ANLN: variants seen among roughly 807,000 people sequenced by gnomAD.
The protein encoded by ANLN is anillin, actin binding protein, also known as anillin.
Under a neutral mutation model 135.1 loss-of-function variants are expected in ANLN, and 59 were observed. That is an observed-to-expected ratio of 0.44 (90% CI 0.35 to 0.54). The LOEUF is 0.54. Among genes scored for constraint, ANLN ranks in the 20% least tolerant of loss-of-function variants. The pLI is 0.00. For missense variants in ANLN, 1,182 were observed against 1,340.0 expected (o/e 0.88, Z 1.84); for synonymous variants, 406 against 456.4 (o/e 0.89, Z 1.41).
In ANLN at chr7:36,396,305, C is replaced by T. The variant is rs1282156627; in HGVS notation, c.58C>T (p.Gln20Ter). ...AACCCGTGCCAGGCGAGAGAATCTTCAGAGAAAAATGGCTGAGAGGCCCAC... is the reference window on the plus strand; with the variant it reads ...AACCCGTGCCAGGCGAGAGAATCTTTAGAGAAAAATGGCTGAGAGGCCCAC... ...ERTRARRENLQRKMAERPTAA... is the reference protein window; with the variant it reads ...ERTRARRENL The change falls in exon 2 of 24, where the codon CAG (glutamine) becomes TAG (stop). Residue 20 changes from glutamine (Q) to a stop codon, truncating the protein, a stop_gained. Coordinates refer to ENST00000265748, the MANE Select transcript of ANLN (RefSeq NM_018685.5). LOFTEE classifies it high-confidence loss of function. 2 of 1,607,224 alleles carry T rather than the reference C, an allele frequency of 1.2e-6. No individual in the cohort carries two copies. Among genetic ancestry groups the T allele is most frequent in the South Asian group, 1.1e-5 (1 of 90,452 alleles).
chr7:36,452,732 A>T lies in ANLN; in HGVS notation c.*132A>T. On this transcript the variant is annotated 3_prime_UTR_variant, in exon 24 of 24. Coordinates refer to ENST00000265748, the MANE Select transcript of ANLN (RefSeq NM_018685.5). ...TTTGTGCCAATATTCACTACGTATT[A>T]TGCAGTATTTATATCTTTTGTATGT... 1 of 1,009,636 alleles carries T rather than the reference A, an allele frequency of 9.9e-7. No individual in the cohort carries two copies. The allele number at this position is 1,009,636 out of a possible 1,614,324, so 62.5% of individuals were successfully genotyped here.
chr7:36,441,684 A>G (rs1252173433), intron 21 of ANLN, among the ~76,000 whole-genome samples: 1 of 152,228 alleles, frequency 6.6e-6, no homozygotes, highest in East Asian at 1.9e-4. Flanking sequence ...TCAGCTATAG[A>G]AATGAAAAGG....
rs1055696214 is a variant in ANLN at position 36,443,700 on chromosome 7, T to C, written c.2971-55T>C. ...TTAGTGTACAGAATCAGCATTTCAT[T>C]GTTAGGACATTTTCCTCAACTTTCT... On this transcript the variant is annotated intron_variant, in intron 21 of 23. Coordinates refer to ENST00000265748, the MANE Select transcript of ANLN (RefSeq NM_018685.5). 6.0e-6 allele frequency: 7 copies of C among 1,166,756 alleles called. No homozygotes were observed. The African/African-American group carries it at 6.0e-5, about 10-fold the overall frequency. 72.3% of individuals were successfully genotyped at this position (1,166,756 alleles called of 1,614,324 possible). A position where few individuals can be genotyped will look rare whatever the true frequency, so the allele number is the denominator to read the frequency against.
chr7:36,422,182 G>A (rs1350759480), intron 13 of ANLN, among the ~76,000 whole-genome samples, 190 bp downstream of exon 13: 1 of 152,130 alleles, frequency 6.6e-6, no homozygotes, highest in East Asian at 1.9e-4. Context: ...TGCATGAAAG[G>A]TAGAAGCAAC....
At chr7:36,391,824 CTTAA>C (rs1331392371) in intron 1 of ANLN, among the ~76,000 whole-genome samples, 1 of 152,294 alleles carries the variant, frequency 6.6e-6, no homozygotes, top group African/African-American at 2.4e-5. Context: ...CGTATTAGGG[CTTAA>C]TTATTTTGGT....
At chr7:36,435,594 C>T (rs1293279198) in intron 20 of ANLN, among the ~76,000 whole-genome samples, 2 of 152,018 alleles carry the variant, frequency 1.3e-5, no homozygotes, top group Admixed American at 1.3e-4. Context: ...TTATCCATGG[C>T]CGGGCGCGGT....
intron 9 of ANLN, among the ~76,000 whole-genome samples, chr7:36,417,716 C>T (rs1216326410): frequency 3.8e-5 from 5 of 130,500 alleles, no homozygotes; most frequent in East Asian, 4.6e-4. Flanking sequence ...CTCACTCTGT[C>T]GCCCAGACTA....
chr7:36,424,263 C>T (rs1019619276), intron 15 of ANLN, among the ~76,000 whole-genome samples: 2 of 152,042 alleles, frequency 1.3e-5, no homozygotes, highest in East Asian at 1.9e-4. Flanking sequence ...AATGAAAATA[C>T]GTTTATATTT....
In ANLN at chr7:36,417,053, A is replaced by C. The variant is rs187194013; in HGVS notation, c.1523-27A>C. On this transcript the variant is annotated intron_variant, in intron 8 of 23. Transcript: ENST00000265748. ...AAAATTATAGGTTCTTATATATATT[A>C]ATATGGTCTTTCTTAAACATTTTTA... The C allele has an allele frequency of 1.0e-3, 1,304 of 1,246,854 alleles. 15 individuals are homozygous for C. The African/African-American group carries it at 0.016, about 15-fold the overall frequency. The allele number at this position is 1,246,854 out of a possible 1,614,324, so 77.2% of individuals were successfully genotyped here.
intron 7 of ANLN, among the ~76,000 whole-genome samples, chr7:36,412,713 G>A (rs1226685066): frequency 6.6e-6 from 1 of 152,106 alleles, no homozygotes; most frequent in Non-Finnish European, 1.5e-5. Flanking sequence ...CAGAAAAAAT[G>A]CGTAAACTGC....
In ANLN at chr7:36,417,179, A is replaced by G. The variant is rs1787678947; in HGVS notation, c.1622A>G (p.Glu541Gly). ...SLKVTSDPKV[E>G]QKIEVIREIE... ...AAAGTAACATCAGACCCAAAGGTTG[A>G]GCAGAAAATTGGTTGGTTTTTATTC... is the stretch of plus-strand genomic sequence containing the variant. The change falls in exon 9 of 24, where the codon GAG becomes GGG. Residue 541 changes from glutamate (E) to glycine (G), a missense_variant. This residue lies in a region of ANLN where 1,022 missense variants were observed against 1,134.0 expected (regional missense o/e 0.90). Coordinates refer to ENST00000265748, the MANE Select transcript of ANLN (RefSeq NM_018685.5). 1 of 1,592,258 alleles carries G rather than the reference A, an allele frequency of 6.3e-7. No homozygotes were observed.
In ANLN at chr7:36,452,494, A is replaced by T; in HGVS notation, c.3269A>T (p.Asp1090Val). ...LCVTKNWLSA[D>V]TKEERDLWMQ... is the part of the protein sequence containing the mutation. ...TCCTGTAGGAACTGGCTGTCTGCAGATACTAAAGAAGAGCGGGATCTCTGG... is the reference window on the plus strand; with the variant it reads ...TCCTGTAGGAACTGGCTGTCTGCAGTTACTAAAGAAGAGCGGGATCTCTGG... The change falls in exon 24 of 24, where the codon GAT (aspartate) becomes GTT (valine). Residue 1090 changes from aspartate to valine, a missense_variant. Physicochemically the swap from Asp to Val is radical, Grantham distance 152. This residue lies in a region of ANLN where 78 missense variants were observed against 72.7 expected (regional missense o/e 1.07). Transcript: ENST00000265748. 1 of 1,614,064 alleles carries T rather than the reference A, an allele frequency of 6.2e-7. No individual in the cohort carries two copies. Among genetic ancestry groups the T allele is most frequent in the Non-Finnish European group, 8.5e-7 (1 of 1,179,922 alleles).
intron 3 of ANLN, among the ~76,000 whole-genome samples, chr7:36,404,131 C>T (rs139910557): frequency 9.9e-4 from 150 of 152,128 alleles, no homozygotes; most frequent in African/African-American, 3.1e-3. Flanking sequence ...TCACCGTGCC[C>T]GGCTAATCTT....
intron 5 of ANLN, among the ~76,000 whole-genome samples, chr7:36,408,783 T>C (rs141444327): frequency 6.6e-6 from 1 of 152,318 alleles, no homozygotes; most frequent in East Asian, 1.9e-4. Context: ...AAACAAAATT[T>C]CTTACCATCG....
At position 36,417,195 on chromosome 7, in the gene ANLN, G is replaced by T; in HGVS notation, c.1633+5G>T. On this transcript the variant is annotated splice_donor_5th_base_variant and intron_variant, in intron 9 of 23. Coordinates refer to ENST00000265748, the MANE Select transcript of ANLN (RefSeq NM_018685.5). The stretch of plus-strand genomic sequence containing the variant: ...CAAAGGTTGAGCAGAAAATTGGTTG[G>T]TTTTTATTCTTTATTTATTATTAAC... The T allele has an allele frequency of 1.3e-6, 2 of 1,526,588 alleles. No homozygotes were observed. The highest frequency in any genetic ancestry group is 1.2e-5 in the South Asian group (1 of 84,232). The allele number at this position is 1,526,588 out of a possible 1,614,324, so 94.6% of individuals were successfully genotyped here.
chr7:36,426,664 G>C (rs1223348510), intron 19 of ANLN, among the ~76,000 whole-genome samples: 2 of 152,026 alleles, frequency 1.3e-5, no homozygotes, highest in Non-Finnish European at 2.9e-5. Flanking sequence ...TCGGGAAGTT[G>C]CTTTTTATGC....
At position 36,397,612 on chromosome 7, in the gene ANLN, GGAAAA is replaced by G. The variant is rs781506708; in HGVS notation, c.172+1204_172+1208del. 1.1e-4 allele frequency among the ~76,000 whole-genome samples: 17 copies of G among 152,086 alleles called. No homozygotes were observed. In the East Asian group the frequency reaches 1.5e-3, roughly 14 times the overall value. On this transcript the variant is annotated intron_variant, in intron 2 of 23. Transcript: ENST00000265748. ...TTAGAAAGTTTCAAAAATAAAAAAA[GGAAAA>G]GAAAAGAAAAAAGAGCCAAGTGTAG...
Position 36,452,535 on chromosome 7 carries a change from C to G in ANLN, c.3310C>G (p.Gln1104Glu). 6.2e-7 allele frequency: 1 copy of G among 1,614,050 alleles called. No individual in the cohort carries two copies. Among genetic ancestry groups the G allele is most frequent in the Non-Finnish European group, 8.5e-7 (1 of 1,179,948 alleles). The change falls in exon 24 of 24, where the codon CAA becomes GAA. Residue 1104 changes from glutamine (Q) to glutamate (E), a missense_variant. Physicochemically the swap from Gln to Glu is conservative, Grantham distance 29. Coordinates refer to ENST00000265748, the MANE Select transcript of ANLN (RefSeq NM_018685.5). ...GGATCTCTGGATGCAAAAACTCAATCAAGTTCTTGTTGATATTCGCCTCTG... is the reference window on the plus strand; with the variant it reads ...GGATCTCTGGATGCAAAAACTCAATGAAGTTCTTGTTGATATTCGCCTCTG... ...ERDLWMQKLN[Q>E]VLVDIRLWQP...
chr7:36,410,756 C>G lies in ANLN; in HGVS notation c.1287+52C>G, dbSNP rs987893553. 3 of 1,525,944 alleles carry G rather than the reference C, an allele frequency of 2.0e-6. No homozygotes were observed. The African/African-American group carries it at 4.2e-5, about 21-fold the overall frequency. The allele number at this position is 1,525,944 out of a possible 1,614,324, so 94.5% of individuals were successfully genotyped here. On this transcript the variant is annotated intron_variant, in intron 6 of 23. Transcript: ENST00000265748. ...TCATCACATGGTCTCTGCATAGAAC[C>G]TAGAAATCAAAATGGGTTCTGATGC...
Sources: allele counts gnomAD v4.1 joint callset (sites outside exome capture counted in the v4.1 genomes callset), GRCh38; gene constraint gnomAD v4.1.1; regional missense constraint gnomAD v4.1.1; transcripts MANE v1.5; gene names NCBI Gene and HGNC (gene_info 2026-07-23, HGNC 2026-07-21).